The following PADI2 variants were observed in gnomAD, a reference collection of about 807,000 sequenced individuals.
PADI2 encodes protein-arginine deiminase type-2.
In PADI2, 70 loss-of-function variants were observed where a neutral mutation model predicts 81.1. That is an observed-to-expected ratio of 0.86 (90% CI 0.71 to 1.05). PADI2 has a LOEUF of 1.05. Ranked by LOEUF, PADI2 falls within the 50% of genes least tolerant of loss-of-function variation. The pLI is 0.00. For synonymous variants in PADI2, 338 were observed against 358.0 expected, an observed-to-expected ratio of 0.94 and a Z score of 0.63; for missense variants, 853 against 889.9, an observed-to-expected ratio of 0.96 and a Z score of 0.53.
In PADI2 at chr1:17,100,818, C is replaced by T. The variant is rs571196512; in HGVS notation, c.349+2169G>A. Among the ~76,000 whole-genome samples, 10 of 151,954 alleles carry T rather than the reference C, an allele frequency of 6.6e-5. No homozygotes were observed. The South Asian group carries it at 1.7e-3, about 25-fold the overall frequency. Reference sequence around the variant, plus strand: ...CTGGGACTACAGGTGCGTGCCACCACGCCCAGTTAATTTTTGTATTTTTAG... The same window carrying T: ...CTGGGACTACAGGTGCGTGCCACCATGCCCAGTTAATTTTTGTATTTTTAG... On this transcript the variant is annotated intron_variant, in intron 3 of 15. Transcript: ENST00000375486.
At chr1:17,071,585 C>G in intron 13 of PADI2, 94 bp from the exon 14 acceptor site, 1 of 959,182 alleles carries the variant, frequency 1.0e-6, no homozygotes. Context: ...GGGCTAACTG[C>G]TGGACTGGGA....
rs533843536 is a variant in PADI2 at position 17,113,244 on chromosome 1, G to C, written c.92+6036C>G. Among the ~76,000 whole-genome samples, 3 of 121,536 alleles carry C rather than the reference G, an allele frequency of 2.5e-5. No individual in the cohort carries two copies. In the East Asian group the frequency reaches 7.0e-4, roughly 29 times the overall value. 79.7% of individuals were successfully genotyped at this position (121,536 alleles called of 152,430 possible). On this transcript the variant is annotated intron_variant, in intron 1 of 15. Transcript: ENST00000375486. ...ATACTAATACATAACAACTTACTGAGTATTTACTATTATTATTATTATTAT... is the reference window on the plus strand; with the variant it reads ...ATACTAATACATAACAACTTACTGACTATTTACTATTATTATTATTATTAT...
intron 4 of PADI2, among the ~76,000 whole-genome samples, chr1:17,094,039 G>A (rs1930811883): frequency 6.6e-6 from 1 of 152,152 alleles, no homozygotes; most frequent in Non-Finnish European, 1.5e-5. Context: ...GAGCTCAGGA[G>A]GAGACGCCTG....
chr1:17,083,332 G>A (rs913585890), intron 9 of PADI2: 10 of 193,278 alleles, frequency 5.2e-5, no homozygotes, highest in African/African-American at 2.4e-5. Context: ...GTGACAGAGC[G>A]AGACCTCGTC....
chr1:17,101,166 T>C (rs966188047), intron 3 of PADI2, among the ~76,000 whole-genome samples: 1 of 152,128 alleles, frequency 6.6e-6, no homozygotes, highest in African/African-American at 2.4e-5. Context: ...ACATGTGGCA[T>C]CTTTTGGGAC....
At chr1:17,073,301 CA>C (rs2078277231) in intron 13 of PADI2, among the ~76,000 whole-genome samples, 1 of 151,660 alleles carries the variant, frequency 6.6e-6, no homozygotes. Context: ...CCTGTAATCC[CA>C]GCTACTGGGG....
chr1:17,113,105 G>A (rs767585633), intron 1 of PADI2, among the ~76,000 whole-genome samples: 38 of 152,076 alleles, frequency 2.5e-4, no homozygotes, highest in Non-Finnish European at 4.0e-4. Context: ...CCATTTATTG[G>A]TGTCTCAAAC....
At chr1:17,100,268 T>G (rs929952463) in intron 3 of PADI2, among the ~76,000 whole-genome samples, 4 of 151,436 alleles carry the variant, frequency 2.6e-5, no homozygotes, top group African/African-American at 9.8e-5. Context: ...TGACTGTCTC[T>G]TATTCTGTTT....
intron 7 of PADI2, 127 bp downstream of exon 7, chr1:17,086,394 C>A: frequency 1.3e-6 from 1 of 740,902 alleles, no homozygotes; most frequent in Non-Finnish European, 2.1e-6. Context: ...ATCGAGGTCT[C>A]CTAGCCTGGA....
intron 4 of PADI2, 149 bp downstream of exon 4, chr1:17,095,760 T>A (rs1930900547): frequency 1.7e-6 from 1 of 597,502 alleles, no homozygotes; most frequent in African/African-American, 1.9e-5. Context: ...AGCTCCTCTG[T>A]GGGTTCCATC....
intron 3 of PADI2, among the ~76,000 whole-genome samples, chr1:17,100,504 T>G (rs1290212269): frequency 6.6e-6 from 1 of 151,222 alleles, no homozygotes; most frequent in Non-Finnish European, 1.5e-5. Flanking sequence ...AGGCTGGTCT[T>G]GAACTCCTGA....
chr1:17,119,060 G>A lies in PADI2; in HGVS notation c.92+220C>T, dbSNP rs1432315476. 1.3e-5 allele frequency among the ~76,000 whole-genome samples: 2 copies of A among 152,142 alleles called. No individual in the cohort carries two copies. The highest frequency in any genetic ancestry group is 2.9e-5 in the Non-Finnish European group (2 of 68,022). ...GTGAGGGAGCTGGGGCTGAGGCTGT[G>A]TTAGGGGGTCTGGGAGAGTCTCAGG... On this transcript the variant is annotated intron_variant, in intron 1 of 15. Coordinates refer to ENST00000375486, the MANE Select transcript of PADI2 (RefSeq NM_007365.3). The surrounding 1 kb of genome is among the most constrained non-coding windows in gnomAD (Gnocchi z 4.8).
intron 11 of PADI2, among the ~76,000 whole-genome samples, chr1:17,077,233 A>G (rs536950414): frequency 3.3e-5 from 5 of 152,180 alleles, no homozygotes; most frequent in Non-Finnish European, 7.4e-5. Flanking sequence ...ACCCTGTTTT[A>G]TCTTCTCCAT....
rs115821594 is a variant in PADI2, at chr1:17,072,274, C to A, written c.1550-783G>T. ...GAGACTGCTGGTCCATTGCACTTCCCAGGTTTATAACTGGACAGCAGTAAA... is the reference window on the plus strand; with the variant it reads ...GAGACTGCTGGTCCATTGCACTTCCAAGGTTTATAACTGGACAGCAGTAAA... On this transcript the variant is annotated intron_variant, in intron 13 of 15. Transcript: ENST00000375486. 4.9e-3 allele frequency among the ~76,000 whole-genome samples: 747 copies of A among 152,258 alleles called. 4 individuals carry two copies. Among genetic ancestry groups the A allele is most frequent in the African/African-American group, 0.017 (690 of 41,536 alleles).
At chr1:17,074,427 C>T (rs2101572947) in intron 13 of PADI2, among the ~76,000 whole-genome samples, 1 of 150,504 alleles carries the variant, frequency 6.6e-6, no homozygotes, top group Admixed American at 6.6e-5. Flanking sequence ...AAAAATGGGG[C>T]TCTCACTATG....
In PADI2 at chr1:17,082,633, T is replaced by A. The variant is rs369091684; in HGVS notation, c.1070A>T (p.Tyr357Phe). ...RWIQDEIEFGYIEAPHKGFPV... is the reference protein window; with the variant it reads ...RWIQDEIEFGFIEAPHKGFPV... ...GAAGCCTTTATGGGGGGCCTCGATG[T>A]AGCCAAACTCAATTTCATCCTGCAG... The change falls in exon 10 of 16, where the codon TAC becomes TTC. Residue 357 changes from tyrosine (Y) to phenylalanine (F), a missense_variant. Transcript: ENST00000375486. 1 of 1,606,874 alleles carries A rather than the reference T, an allele frequency of 6.2e-7. No individual in the cohort carries two copies. The highest frequency in any genetic ancestry group is 1.1e-5 in the South Asian group (1 of 90,536).
At chr1:17,080,411 C>G (rs1264309819) in intron 10 of PADI2, among the ~76,000 whole-genome samples, 1 of 152,168 alleles carries the variant, frequency 6.6e-6, no homozygotes, top group Admixed American at 6.5e-5. Context: ...ATGGCATTTC[C>G]CAGACTGGGG....
At chr1:17,070,056 T>C (rs1167815721) in intron 15 of PADI2, 32 bp downstream of exon 15, 2 of 1,607,806 alleles carry the variant, frequency 1.2e-6, no homozygotes, top group East Asian at 4.5e-5. Context: ...TGTACTGGCA[T>C]GGGGCGAGGG....
intron 2 of PADI2, among the ~76,000 whole-genome samples, chr1:17,104,009 G>C (rs1240218896): frequency 6.7e-6 from 1 of 150,336 alleles, no homozygotes; most frequent in South Asian, 2.1e-4. Flanking sequence ...CAGGCCGGCC[G>C]CGGTGGCTCA....
Sources: allele counts gnomAD v4.1 joint callset (sites outside exome capture counted in the v4.1 genomes callset), GRCh38; gene constraint gnomAD v4.1.1; non-coding constraint Gnocchi (gnomAD v3.1); transcripts MANE v1.5; gene names NCBI Gene and HGNC (gene_info 2026-07-23, HGNC 2026-07-21).